PCDHA1: variants seen among roughly 807,000 people sequenced by gnomAD.
PCDHA1 encodes the protein protocadherin alpha-1.
A neutral mutation model predicts 61.3 loss-of-function variants in PCDHA1; 42 were observed. The ratio of observed to expected loss-of-function variants is 0.69; its 90% confidence interval spans 0.54 to 0.89. The LOEUF is 0.89. PCDHA1 is among the 40% of genes least tolerant of loss of function. The pLI is 0.00. For synonymous variants in PCDHA1, 610 were observed against 553.8 expected (o/e 1.10, Z -1.43); for missense variants, 1,256 against 1,235.3 (o/e 1.02, Z -0.25).
intron 1 of PCDHA1, chr5:140,882,360 T>A: frequency 6.2e-7 from 1 of 1,614,134 alleles, no homozygotes. Context: ...AGTGGCCAGC[T>A]CCACTACTCC....
At chr5:140,864,048 T>G (rs1053633631) in intron 1 of PCDHA1, 9 of 152,932 alleles carry the variant, frequency 5.9e-5, no homozygotes, top group African/African-American at 2.2e-4. Flanking sequence ...CACTTTTTAC[T>G]ACAGTCACCA....
Position 140,978,928 on chromosome 5 carries a change from ACT to A in PCDHA1, c.2395-16_2395-15del. ...CATTGTCTTGTCATTTTAACAGAAA[ACT>A]CTCTTTGTGATTTTGCAGCCACGAC... On this transcript the variant is annotated intron_variant, in intron 1 of 3. Coordinates refer to ENST00000504120, the MANE Select transcript of PCDHA1 (RefSeq NM_018900.4). The A allele has an allele frequency of 6.2e-7, 1 of 1,613,190 alleles. No homozygotes were observed. Among genetic ancestry groups the A allele is most frequent in the Admixed American group, 1.7e-5 (1 of 59,890 alleles).
At chr5:140,836,251 G>T (rs1183967538) in intron 1 of PCDHA1, 39 of 1,613,668 alleles carry the variant, frequency 2.4e-5, no homozygotes, top group Middle Eastern at 3.3e-4. Context: ...ATCCCGTTCC[G>T]CGTGGGGCTG....
In PCDHA1 at chr5:140,797,537, A is replaced by G. The variant is rs924782991; in HGVS notation, c.2394+8853A>G. On this transcript the variant is annotated intron_variant, in intron 1 of 3. Transcript: ENST00000504120. The stretch of plus-strand genomic sequence containing the variant: ...TGAACAATTTATTTAAACAATCTAC[A>G]TAACTGTTTTCTTATTTTTACATTT... 1.7e-5 allele frequency: 13 copies of G among 756,140 alleles called. No homozygotes were observed. The South Asian group carries it at 1.8e-4, about 10-fold the overall frequency. 46.8% of individuals were successfully genotyped at this position (756,140 alleles called of 1,614,324 possible). A position where few individuals can be genotyped will look rare whatever the true frequency, so the allele number is the denominator to read the frequency against.
At chr5:140,898,965 G>A (rs2067069000) in intron 1 of PCDHA1, among the ~76,000 whole-genome samples, 1 of 152,044 alleles carries the variant, frequency 6.6e-6, no homozygotes, top group Non-Finnish European at 1.5e-5. Flanking sequence ...GTGAATGGGA[G>A]TTCACTCATG....
intron 1 of PCDHA1, chr5:140,795,810 T>C (rs1761998227): frequency 6.2e-7 from 1 of 1,613,622 alleles, no homozygotes; most frequent in African/African-American, 1.3e-5. Flanking sequence ...ATTCACTCGG[T>C]AGTGATGTGT....
At chr5:140,896,583 G>A (rs557774521) in intron 1 of PCDHA1, among the ~76,000 whole-genome samples, 1 of 151,770 alleles carries the variant, frequency 6.6e-6, no homozygotes, top group South Asian at 2.1e-4. Context: ...TGACGTGTTG[G>A]CCAGGCTGGT....
rs370912994 is a variant in PCDHA1 at position 140,787,847 on chromosome 5, A to G, written c.1557A>G (p.Ala519=). 4.3e-6 allele frequency: 7 copies of G among 1,612,546 alleles called. No individual in the cohort carries two copies. The highest frequency in any genetic ancestry group is 2.7e-5 in the African/African-American group (2 of 74,854). ...ACGCGGAGAGCGGCAAGGTGTACGC[A>G]CTGCAGCCCCTGGACCACGAGGAGC... ...SVHAESGKVY[A]LQPLDHEELE... The change falls in exon 1 of 4, where the codon GCA becomes GCG. Residue 519 remains alanine, a synonymous_variant. Coordinates refer to ENST00000504120, the MANE Select transcript of PCDHA1 (RefSeq NM_018900.4).
rs1262836505 is a variant in PCDHA1 at position 141,012,081 on chromosome 5, T to C, written c.*2144T>C. The C allele has an allele frequency of 6.5e-6, 1 of 153,748 alleles. No individual in the cohort carries two copies. Among genetic ancestry groups the C allele is most frequent in the Non-Finnish European group, 1.5e-5 (1 of 68,042 alleles). 9.5% of individuals were successfully genotyped at this position (153,748 alleles called of 1,614,324 possible). On this transcript the variant is annotated 3_prime_UTR_variant, in exon 4 of 4. Transcript: ENST00000504120. Reference sequence around the variant, plus strand: ...CAACACATGTGAACCATTGCTACATTGTAGGTTGTGATCATTTTGCCCCAC... The same window carrying C: ...CAACACATGTGAACCATTGCTACATCGTAGGTTGTGATCATTTTGCCCCAC...
intron 1 of PCDHA1, among the ~76,000 whole-genome samples, chr5:140,912,282 C>A (rs1211433751): frequency 6.6e-6 from 1 of 151,982 alleles, no homozygotes; most frequent in African/African-American, 2.4e-5. Flanking sequence ...TACCCAGGAA[C>A]AATACTTTGC....
intron 1 of PCDHA1, among the ~76,000 whole-genome samples, chr5:140,894,053 T>C (rs782239740): frequency 2.4e-4 from 37 of 152,336 alleles, no homozygotes; most frequent in Non-Finnish European, 5.1e-4. Context: ...CTCTGTTGAA[T>C]TGATTTTTAA....
rs1554118040 is a variant in PCDHA1 at position 140,787,905 on chromosome 5, G to A, written c.1615G>A (p.Asp539Asn). The change falls in exon 1 of 4, where the codon GAT (aspartate) becomes AAT (asparagine). Residue 539 changes from aspartate to asparagine, a missense_variant. Physicochemically the swap from Asp to Asn is conservative, Grantham distance 23. Coordinates refer to ENST00000504120, the MANE Select transcript of PCDHA1 (RefSeq NM_018900.4). ...GCTGCAGTTCCAGGTGAGCGCGCGG[G>A]ATGCGGGCGTGCCGCCTCTGGGCAG... is the stretch of plus-strand genomic sequence containing the variant. Reference protein sequence around the residue: ...ELLQFQVSARDAGVPPLGSNV... With the variant: ...ELLQFQVSARNAGVPPLGSNV... 1.2e-6 allele frequency: 2 copies of A among 1,613,662 alleles called. No individual in the cohort carries two copies. The highest frequency in any genetic ancestry group is 1.1e-5 in the South Asian group (1 of 91,062).
At chr5:140,957,255 T>C (rs577479092) in intron 1 of PCDHA1, among the ~76,000 whole-genome samples, 88 of 152,306 alleles carry the variant, frequency 5.8e-4, no homozygotes, top group Non-Finnish European at 1.0e-3. Flanking sequence ...AAAATTTAAA[T>C]ATGTAAGCAC....
At chr5:140,873,085 C>G (rs1554166557) in intron 1 of PCDHA1, among the ~76,000 whole-genome samples, 2 of 152,098 alleles carry the variant, frequency 1.3e-5, no homozygotes, top group Non-Finnish European at 2.9e-5. Flanking sequence ...TATTTCCCCC[C>G]CGTATAGAGG....
chr5:140,926,170 C>G (rs558750358), intron 1 of PCDHA1, among the ~76,000 whole-genome samples: 1 of 151,736 alleles, frequency 6.6e-6, no homozygotes. Flanking sequence ...CAGGATCCAG[C>G]GCGGAAAGCC....
chr5:140,975,514 C>T (rs549258421), intron 1 of PCDHA1, among the ~76,000 whole-genome samples: 2 of 152,304 alleles, frequency 1.3e-5, no homozygotes, highest in African/African-American at 4.8e-5. Flanking sequence ...TATGCAAAAT[C>T]TGCAGTGGAT....
intron 3 of PCDHA1, among the ~76,000 whole-genome samples, chr5:140,985,935 T>C (rs1563529145): frequency 6.6e-6 from 1 of 151,974 alleles, no homozygotes; most frequent in African/African-American, 2.4e-5. Context: ...GAGCCGGGGT[T>C]TCACTGTGTT....
At chr5:140,897,307 A>G (rs2065987327) in intron 1 of PCDHA1, among the ~76,000 whole-genome samples, 2 of 148,058 alleles carry the variant, frequency 1.4e-5, no homozygotes, top group African/African-American at 2.5e-5. Context: ...AGCATTAGGT[A>G]TATCTCCTAA....
chr5:140,842,085 C>T (rs2150329021), intron 1 of PCDHA1: 1 of 1,613,890 alleles, frequency 6.2e-7, no homozygotes, highest in Non-Finnish European at 8.5e-7. Flanking sequence ...TTCGAAAACG[C>T]AGACAACGGA....
Sources: allele counts gnomAD v4.1 joint callset (sites outside exome capture counted in the v4.1 genomes callset), GRCh38; gene constraint gnomAD v4.1.1; transcripts MANE v1.5; gene names NCBI Gene and HGNC (gene_info 2026-07-23, HGNC 2026-07-21).